The following KIAA0586 variants were observed in gnomAD, a reference collection of about 807,000 sequenced individuals.
KIAA0586 encodes KIAA0586.
Under a neutral mutation model 169.8 loss-of-function variants are expected in KIAA0586, and 144 were observed. The observed-to-expected ratio is 0.85, with a 90% confidence interval of 0.74 to 0.97. The LOEUF (loss-of-function observed/expected upper bound fraction) is 0.97, where lower values mean the gene tolerates loss of function less well. Ranked by LOEUF, KIAA0586 falls within the 50% of genes least tolerant of loss-of-function variation. The probability of loss-of-function intolerance (pLI) is 0.00; values close to 1 mark genes in which losing one functional copy is unlikely to be tolerated. For synonymous variants in KIAA0586, 625 were observed against 612.4 expected, an observed-to-expected ratio of 1.02 and a Z score of -0.30; for missense variants, 1,854 against 1,823.0, an observed-to-expected ratio of 1.02 and a Z score of -0.31.
At chr14:58,476,841 T>C (rs941704406) in intron 19 of KIAA0586, among the ~76,000 whole-genome samples, 5 of 152,034 alleles carry the variant, frequency 3.3e-5, no homozygotes, top group Non-Finnish European at 7.4e-5. Flanking sequence ...GTATTTTTTG[T>C]AGAGACAGTG....
At chr14:58,435,448 AT>A (rs1441851779) in intron 4 of KIAA0586, among the ~76,000 whole-genome samples, 6 of 152,190 alleles carry the variant, frequency 3.9e-5, no homozygotes, top group Non-Finnish European at 7.3e-5. Context: ...CATCTGAAAC[AT>A]TTATCATTTC....
At chr14:58,486,985 T>G in intron 21 of KIAA0586, 22 bp from the exon 22 acceptor site, 1 of 1,567,706 alleles carries the variant, frequency 6.4e-7, no homozygotes, top group Non-Finnish European at 8.7e-7. Context: ...AAACACAGTT[T>G]ATCTTGTTTT....
chr14:58,465,776 T>C (rs2040710489), intron 14 of KIAA0586, 59 bp from the exon 15 acceptor site: 1 of 1,062,360 alleles, frequency 9.4e-7, no homozygotes, highest in Non-Finnish European at 1.4e-6. Flanking sequence ...TTTCTAGATG[T>C]CTGGATAGTA....
intron 29 of KIAA0586, among the ~76,000 whole-genome samples, chr14:58,532,476 A>G (rs1460001548): frequency 1.3e-5 from 2 of 152,224 alleles, no homozygotes; most frequent in Admixed American, 1.3e-4. Flanking sequence ...TATCTCATAT[A>G]CCATAGTAAT....
intron 27 of KIAA0586, among the ~76,000 whole-genome samples, chr14:58,505,325 G>A (rs2043863146): frequency 6.6e-6 from 1 of 152,098 alleles, no homozygotes; most frequent in Admixed American, 6.6e-5. Context: ...AAACTTCATA[G>A]TGTTGATTTC....
chr14:58,539,143 G>C (rs1310791929), intron 29 of KIAA0586, among the ~76,000 whole-genome samples: 1 of 152,038 alleles, frequency 6.6e-6, no homozygotes, highest in Non-Finnish European at 1.5e-5. Flanking sequence ...TCTGTGTCTG[G>C]TTTATTTCAC....
intron 21 of KIAA0586, among the ~76,000 whole-genome samples, chr14:58,484,913 T>TATATATATATAA (rs2042318546): frequency 5.8e-5 from 1 of 17,336 alleles, no homozygotes; most frequent in African/African-American, 1.8e-4. Context: ...TATATATATA[T>TATATATATATAA]ATATATATAT....
chr14:58,546,670 A>G (rs2047003821), intron 30 of KIAA0586, among the ~76,000 whole-genome samples: 1 of 152,172 alleles, frequency 6.6e-6, no homozygotes, highest in Admixed American at 6.5e-5. Flanking sequence ...CTTTAAACTT[A>G]CAGGGGTGAA....
chr14:58,559,980 G>A, the KIAA0586 span, among the ~76,000 whole-genome samples: 3 of 151,990 alleles, frequency 2.0e-5, no homozygotes, highest in Non-Finnish European at 2.9e-5. Context: ...GTGAAACCCC[G>A]TCTCTACTAA....
Position 58,487,163 on chromosome 14 carries a change from A to G in KIAA0586, c.3301A>G (p.Lys1101Glu). 1.2e-6 allele frequency: 2 copies of G among 1,609,372 alleles called. No individual in the cohort carries two copies. The highest frequency in any genetic ancestry group is 2.7e-5 in the African/African-American group (2 of 74,842). ...TCCTGTGAAAGAAATATGTGCTGAA[A>G]AAGGTAGAAACTTTATTTCTATAAC... is the stretch of plus-strand genomic sequence containing the variant. ...AFPVKEICAE[K>E]GDDMPAIMLV... is the part of the protein sequence containing the mutation. The change falls in exon 22 of 31, where the codon AAA becomes GAA. Residue 1101 changes from lysine (K) to glutamate (E), a missense_variant. Lys to Glu is a moderately conservative substitution (Grantham distance 56, BLOSUM62 1). Transcript: ENST00000652326.
the KIAA0586 span, among the ~76,000 whole-genome samples, chr14:58,558,611 T>A: frequency 6.6e-6 from 1 of 152,230 alleles, no homozygotes; most frequent in Non-Finnish European, 1.5e-5. Flanking sequence ...GCACTGAATC[T>A]CTTTAACTAC....
At chr14:58,483,192 G>T (rs2042155082) in intron 21 of KIAA0586, among the ~76,000 whole-genome samples, 1 of 152,026 alleles carries the variant, frequency 6.6e-6, no homozygotes. Flanking sequence ...CTTATCTCAT[G>T]AATACTGTTC....
chr14:58,551,454 C>A (rs1318559459), downstream of KIAA0586, among the ~76,000 whole-genome samples: 1 of 151,828 alleles, frequency 6.6e-6, no homozygotes, highest in African/African-American at 2.4e-5. Context: ...TATTACCACC[C>A]CCAATCAAAA....
At chr14:58,449,113 C>T (rs1351095113) in intron 7 of KIAA0586, among the ~76,000 whole-genome samples, 5 of 152,100 alleles carry the variant, frequency 3.3e-5, no homozygotes, top group South Asian at 2.1e-4. Flanking sequence ...TAAAGAAAAT[C>T]GAGCTACTAT....
chr14:58,539,333 C>T (rs1024737241), intron 29 of KIAA0586, among the ~76,000 whole-genome samples: 1 of 152,016 alleles, frequency 6.6e-6, no homozygotes, highest in Non-Finnish European at 1.5e-5. Context: ...GATTATACAA[C>T]GTTCTAATTT....
rs533428098 is a variant in KIAA0586 at position 58,482,587 on chromosome 14, C to G, written c.3019C>G (p.His1007Asp). Residue 1007 changes from histidine (H) to aspartate (D), a missense_variant, in exon 21 of 31, where the codon CAT becomes GAT. Coordinates refer to ENST00000652326, the MANE Select transcript of KIAA0586 (RefSeq NM_001329943.3). ...TCCTGTGAACTCAAATGTGATTAAA[C>G]ATTTTGTTAACGAAGCTCTTGCTGA... The part of the protein sequence containing the change: ...GVPVNSNVIK[H>D]FVNEALAETI... The G allele has an allele frequency of 6.2e-7, 1 of 1,604,312 alleles. No individual in the cohort carries two copies. Among genetic ancestry groups the G allele is most frequent in the Non-Finnish European group, 8.5e-7 (1 of 1,174,794 alleles).
chr14:58,446,531 G>A (rs2038918692), intron 6 of KIAA0586, among the ~76,000 whole-genome samples: 1 of 151,572 alleles, frequency 6.6e-6, no homozygotes, highest in Non-Finnish European at 1.5e-5. Flanking sequence ...ATGTGTGTGT[G>A]TATATATATA....
At chr14:58,500,854 G>C (rs553147073) in intron 27 of KIAA0586, among the ~76,000 whole-genome samples, 8 of 152,200 alleles carry the variant, frequency 5.3e-5, no homozygotes, top group Admixed American at 4.6e-4. Flanking sequence ...AAGGTCACTT[G>C]TTTACAGTAT....
chr14:58,482,556 T>C lies in KIAA0586; in HGVS notation c.2988T>C (p.Ala996=). ...SSGALQLFVD[A]GVPVNSNVIK... Reference sequence around the variant, plus strand: ...GCGCCCTCCAGCTTTTTGTTGATGCTGGTGTTCCTGTGAACTCAAATGTGA... The same window carrying C: ...GCGCCCTCCAGCTTTTTGTTGATGCCGGTGTTCCTGTGAACTCAAATGTGA... The change falls in exon 21 of 31, where the codon GCT becomes GCC. Residue 996 remains alanine (A), a synonymous_variant. Transcript: ENST00000652326. 6.3e-7 allele frequency: 1 copy of C among 1,577,652 alleles called. No homozygotes were observed. Among genetic ancestry groups the C allele is most frequent in the Non-Finnish European group, 8.6e-7 (1 of 1,159,400 alleles).
Sources: gnomAD v4.1 joint callset for allele counts (sites outside exome capture counted in the v4.1 genomes callset) on GRCh38, gnomAD v4.1.1 for gene constraint, MANE v1.5 for transcripts, NCBI Gene and HGNC (gene_info 2026-07-23, HGNC 2026-07-21) for gene names.